The following USP3 variants were observed in gnomAD, a reference collection of about 807,000 sequenced individuals.
USP3 encodes ubiquitin specific peptidase 3, also known as ubiquitin carboxyl-terminal hydrolase 3.
In USP3, 20 loss-of-function variants were observed where a neutral mutation model predicts 72.3. That is an observed-to-expected ratio of 0.28 (90% confidence interval 0.19 to 0.40). USP3 has a LOEUF of 0.40. USP3 is among the 10% of genes least tolerant of loss of function. The probability of loss-of-function intolerance (pLI) is 1.00; values close to 1 mark genes in which losing one functional copy is unlikely to be tolerated. For synonymous variants in USP3, 222 were observed against 225.3 expected, an observed-to-expected ratio of 0.99 and a Z score of 0.13; for missense variants, 479 against 633.9, an observed-to-expected ratio of 0.76 and a Z score of 2.62.
rs2066039596 is a variant in USP3, at chr15:63,529,734, A to G, written c.92-2913A>G. ...GAAAGGAACACTTGGTAGGAAACAT[A>G]CCCAAAGCAAAGTCACAGGGATTCT... On this transcript the variant is annotated intron_variant, in intron 1 of 14. Coordinates refer to ENST00000380324, the MANE Select transcript of USP3 (RefSeq NM_006537.4). The surrounding 1 kb of genome is among the most constrained non-coding windows in gnomAD (Gnocchi z 4.2). Among the ~76,000 whole-genome samples the G allele has an allele frequency of 6.6e-6, 1 of 152,208 alleles. No homozygotes were observed. Among genetic ancestry groups the G allele is most frequent in the East Asian group, 1.9e-4 (1 of 5,196 alleles).
chr15:63,566,423 C>T (rs746330773), intron 8 of USP3, among the ~76,000 whole-genome samples: 14 of 151,968 alleles, frequency 9.2e-5, no homozygotes, highest in Non-Finnish European at 1.0e-4. Flanking sequence ...AGTGATTCTC[C>T]TGCCTCAGCC....
At chr15:63,525,696 A>G (rs1229294408) in intron 1 of USP3, among the ~76,000 whole-genome samples, 1 of 152,250 alleles carries the variant, frequency 6.6e-6, no homozygotes, top group African/African-American at 2.4e-5. Context: ...GAGAGGATTT[A>G]TAGTGTACAG....
chr15:63,561,936 G>A (rs1294020969), intron 7 of USP3, among the ~76,000 whole-genome samples: 2 of 152,196 alleles, frequency 1.3e-5, no homozygotes, highest in African/African-American at 2.4e-5. Flanking sequence ...AGCCACAGGT[G>A]TAGAAAACCA....
intron 3 of USP3, among the ~76,000 whole-genome samples, chr15:63,548,338 T>G (rs909020568): frequency 2.7e-4 from 41 of 150,568 alleles, no homozygotes; most frequent in Admixed American, 7.3e-4. Flanking sequence ...TTGTTTTTTT[T>G]GGGGGGGGAC....
Position 63,589,002 on chromosome 15 carries a change from A to G in USP3, c.1388A>G (p.His463Arg), listed in dbSNP as rs1566921687. ...GACCTCGCCGCTGTGGTGGTGCACC[A>G]TGGTTCCGGGTGAGTACAACAGCCA... ...LYDLAAVVVHHGSGVGSGHYT... is the reference protein window; with the variant it reads ...LYDLAAVVVHRGSGVGSGHYT... The change falls in exon 14 of 15, where the codon CAT (histidine) becomes CGT (arginine). Residue 463 changes from histidine to arginine, a missense_variant. His to Arg is a conservative substitution (Grantham distance 29, BLOSUM62 0). Transcript: ENST00000380324. 1 of 1,613,466 alleles carries G rather than the reference A, an allele frequency of 6.2e-7. No homozygotes were observed. The highest frequency in any genetic ancestry group is 1.1e-5 in the South Asian group (1 of 91,040).
At chr15:63,549,613 T>C (rs1396534128) in intron 3 of USP3, among the ~76,000 whole-genome samples, 1 of 152,374 alleles carries the variant, frequency 6.6e-6, no homozygotes, top group South Asian at 2.1e-4. Flanking sequence ...TTGAAAAATG[T>C]GTACGATCAT....
chr15:63,539,882 C>T (rs771853798), intron 3 of USP3, among the ~76,000 whole-genome samples: 10 of 152,134 alleles, frequency 6.6e-5, no homozygotes, highest in African/African-American at 1.7e-4. Flanking sequence ...TGTAAATTGA[C>T]GAAGATGCAG....
intron 11 of USP3, among the ~76,000 whole-genome samples, chr15:63,581,666 AT>A (rs1461539610): frequency 6.9e-6 from 1 of 145,162 alleles, no homozygotes; most frequent in African/African-American, 2.6e-5. Flanking sequence ...AAGTGCTGGG[AT>A]TACAGGTGTG....
intron 1 of USP3, among the ~76,000 whole-genome samples, chr15:63,526,451 A>G (rs1027424148): frequency 6.6e-6 from 1 of 152,250 alleles, no homozygotes; most frequent in East Asian, 1.9e-4. Context: ...TAGCACCTGT[A>G]TATAGCACAC....
chr15:63,516,149 T>C (rs74024865), intron 1 of USP3, among the ~76,000 whole-genome samples: 1,724 of 152,318 alleles, frequency 0.011, 30 homozygotes, highest in African/African-American at 0.04. Context: ...CTTTTAAAAA[T>C]TGCTTAGTTT....
chr15:63,562,432 G>A (rs557266836), intron 7 of USP3, among the ~76,000 whole-genome samples: 1 of 152,306 alleles, frequency 6.6e-6, no homozygotes, highest in African/African-American at 2.4e-5. Flanking sequence ...TCTGACTTTT[G>A]GAGTTGAGAG....
At chr15:63,516,575 G>T (rs2065853165) in intron 1 of USP3, among the ~76,000 whole-genome samples, 1 of 152,082 alleles carries the variant, frequency 6.6e-6, no homozygotes, top group Non-Finnish European at 1.5e-5. Flanking sequence ...TGGCTGAATA[G>T]AAAATATTAG....
intron 1 of USP3, among the ~76,000 whole-genome samples, chr15:63,525,305 G>C (rs1041263950): frequency 1.3e-5 from 2 of 152,160 alleles, no homozygotes; most frequent in African/African-American, 2.4e-5. Flanking sequence ...CTCCTCCCCA[G>C]TATCAGGACC....
chr15:63,563,779 T>A (rs59778181), intron 8 of USP3, among the ~76,000 whole-genome samples: 311 of 152,288 alleles, frequency 2.0e-3, no homozygotes, highest in African/African-American at 7.1e-3. Context: ...TTAAAAAAAA[T>A]TCATGCTGTA....
At chr15:63,536,706 T>A (rs556561876) in intron 2 of USP3, among the ~76,000 whole-genome samples, 1 of 151,726 alleles carries the variant, frequency 6.6e-6, no homozygotes, top group Non-Finnish European at 1.5e-5. Context: ...AAAAAAAAAT[T>A]AGCTGGGTGT....
intron 1 of USP3, among the ~76,000 whole-genome samples, chr15:63,509,055 A>C (rs976011142): frequency 2.6e-5 from 4 of 152,198 alleles, no homozygotes; most frequent in Non-Finnish European, 5.9e-5. Flanking sequence ...GTCAGTGGTA[A>C]TAAATTTGTA....
At chr15:63,548,655 G>C (rs1159822746) in intron 3 of USP3, among the ~76,000 whole-genome samples, 1 of 152,104 alleles carries the variant, frequency 6.6e-6, no homozygotes, top group East Asian at 1.9e-4. Flanking sequence ...TTTTCATAAA[G>C]ATGGAGTCTT....
intron 1 of USP3, among the ~76,000 whole-genome samples, chr15:63,526,154 C>T (rs948994027): frequency 2.6e-5 from 4 of 152,136 alleles, no homozygotes; most frequent in African/African-American, 7.2e-5. Flanking sequence ...ATTCCTTTTA[C>T]ATAGCTGATA....
intron 1 of USP3, among the ~76,000 whole-genome samples, chr15:63,526,691 T>C (rs557219056): frequency 6.6e-6 from 1 of 152,342 alleles, no homozygotes; most frequent in East Asian, 1.9e-4. Context: ...CTGTTACTGA[T>C]GGGCAATGTG....
Sources: allele counts gnomAD v4.1 joint callset (sites outside exome capture counted in the v4.1 genomes callset), GRCh38; gene constraint gnomAD v4.1.1; non-coding constraint Gnocchi (gnomAD v3.1); transcripts MANE v1.5; gene names NCBI Gene and HGNC (gene_info 2026-07-23, HGNC 2026-07-21).